Variants in SRC observed in about 807,000 individuals in gnomAD.
The protein encoded by SRC is SRC proto-oncogene, non-receptor tyrosine kinase.
Under a neutral mutation model 62.9 loss-of-function variants are expected in SRC, and 13 were observed. That is an observed-to-expected ratio of 0.21 (90% CI 0.13 to 0.33). The LOEUF (loss-of-function observed/expected upper bound fraction) is 0.33. SRC is among the 10% of genes least tolerant of loss of function. The probability of loss-of-function intolerance (pLI) is 1.00; values close to 1 mark genes in which losing one functional copy is unlikely to be tolerated. For synonymous variants in SRC, 302 were observed against 317.5 expected (o/e 0.95, Z 0.52); for missense variants, 457 against 737.3 (o/e 0.62, Z 4.40).
In SRC at chr20:37,396,914, T is replaced by A. The variant is rs935667096; in HGVS notation, c.703+603T>A. 6.5e-6 allele frequency: 1 copy of A among 153,760 alleles called. No homozygotes were observed. The highest frequency in any genetic ancestry group is 2.4e-5 in the African/African-American group (1 of 41,284). The allele number at this position is 153,760 out of a possible 1,614,324, so 9.5% of individuals were successfully genotyped here. On this transcript the variant is annotated intron_variant, in intron 8 of 13. Transcript: ENST00000373578. The surrounding 1 kb of genome is among the most constrained non-coding windows in gnomAD (Gnocchi z 6.1). ...CCTCTGTGCACAGGTGTTGGTCCAC[T>A]CCCCACCCCGAGCCTCCTCCTCCTC...
chr20:37,368,518 C>CTTTTTTTTTTTTTTGTTTT (rs2070102489), intron 2 of SRC, among the ~76,000 whole-genome samples: 1 of 73,898 alleles, frequency 1.4e-5, no homozygotes, highest in Non-Finnish European at 2.7e-5. Context: ...CCTATATTTT[C>CTTTTTTTTTTTTTTGTTTT]TTTTTTTTTT....
Position 37,402,323 on chromosome 20 carries a change from A to AGTG in SRC, c.1117-112_1117-111insGTG, listed in dbSNP as rs1201631996. The AGTG allele has an allele frequency of 2.0e-5, 27 of 1,336,722 alleles. No individual in the cohort carries two copies. The highest frequency in any genetic ancestry group is 2.8e-5 in the Non-Finnish European group (27 of 971,240). The allele number at this position is 1,336,722 out of a possible 1,614,324, so 82.8% of individuals were successfully genotyped here. A position where few individuals can be genotyped will look rare whatever the true frequency, so the allele number is the denominator to read the frequency against. ...GTGAACTGACCTCACTTGCCTGAAG[A>AGTG]AGTGTGGGGAGGGTGGGGAAGGGGT... On this transcript the variant is annotated intron_variant, in intron 11 of 13. Transcript: ENST00000373578. The surrounding 1 kb of genome is among the most constrained non-coding windows in gnomAD (Gnocchi z 6.2).
intron 5 of SRC, among the ~76,000 whole-genome samples, chr20:37,387,196 A>T (rs751134952): frequency 9.2e-5 from 14 of 152,200 alleles, no homozygotes; most frequent in Non-Finnish European, 4.4e-5. Flanking sequence ...CTCATGCCCC[A>T]CTTGCCTTGC....
In SRC at chr20:37,403,233, G is replaced by C. The variant is rs758015155; in HGVS notation, c.1465G>C (p.Glu489Gln). ...GGGCTACCGGATGCCCTGCCCGCCG[G>C]AGTGTCCCGAGTCCCTGCACGACCT... ...ERGYRMPCPP[E>Q]CPESLHDLMC... Residue 489 changes from glutamate to glutamine, a missense_variant, in exon 14 of 14, where the codon GAG (glutamate) becomes CAG (glutamine). Physicochemically the swap from Glu to Gln is conservative, Grantham distance 29. Coordinates refer to ENST00000373578, the MANE Select transcript of SRC (RefSeq NM_198291.3). This position sits in a 1 kb window ranked among gnomAD's most constrained non-coding sequence, Gnocchi z 7.1. 1.3e-6 allele frequency: 2 copies of C among 1,581,212 alleles called. No homozygotes were observed. The highest frequency in any genetic ancestry group is 4.6e-5 in the East Asian group (2 of 43,332).
In SRC at chr20:37,398,592, G is replaced by A. The variant is rs2070694356; in HGVS notation, c.859+738G>A. Among the ~76,000 whole-genome samples, 1 of 152,256 alleles carries A rather than the reference G, an allele frequency of 6.6e-6. No homozygotes were observed. On this transcript the variant is annotated intron_variant, in intron 9 of 13. Coordinates refer to ENST00000373578, the MANE Select transcript of SRC (RefSeq NM_198291.3). The surrounding 1 kb of genome is among the most constrained non-coding windows in gnomAD (Gnocchi z 5.2). The stretch of plus-strand genomic sequence containing the variant: ...ATGGAGGAGAGCAGAGCGGCCTCCT[G>A]GGTGGAAGGCACTGCAGGGACAGAG...
intron 1 of SRC, among the ~76,000 whole-genome samples, chr20:37,358,069 C>T (rs1487661961): frequency 2.0e-5 from 3 of 152,144 alleles, no homozygotes; most frequent in Non-Finnish European, 4.4e-5. Flanking sequence ...ACGAAGGGTT[C>T]AAACTGACAT....
rs2070416577 is a variant in SRC, at chr20:37,384,483, C to A, written c.250+80C>A. On this transcript the variant is annotated intron_variant, in intron 4 of 13. Coordinates refer to ENST00000373578, the MANE Select transcript of SRC (RefSeq NM_198291.3). This position sits in a 1 kb window ranked among gnomAD's most constrained non-coding sequence, Gnocchi z 6.7. ...CGGCGGGGCTGTGTGCCCGGGGTCGCCCCCTCTGCGCAGGCCCTTCCTCTC... is the reference window on the plus strand; with the variant it reads ...CGGCGGGGCTGTGTGCCCGGGGTCGACCCCTCTGCGCAGGCCCTTCCTCTC... 27 of 1,273,436 alleles carry A rather than the reference C, an allele frequency of 2.1e-5. No homozygotes were observed. Among genetic ancestry groups the A allele is most frequent in the Non-Finnish European group, 2.7e-5 (27 of 1,014,950 alleles). 78.9% of individuals were successfully genotyped at this position (1,273,436 alleles called of 1,614,324 possible).
intron 2 of SRC, among the ~76,000 whole-genome samples, chr20:37,379,895 CAA>C (rs774306236): frequency 2.4e-5 from 1 of 41,056 alleles, no homozygotes; most frequent in East Asian, 9.1e-4. Context: ...GACTCCATTT[CAA>C]AAAAAAAAAA....
chr20:37,372,624 T>C (rs781613650), intron 2 of SRC, among the ~76,000 whole-genome samples: 2 of 152,226 alleles, frequency 1.3e-5, no homozygotes, highest in African/African-American at 4.8e-5. Context: ...GAATGTTCCA[T>C]GTGCACTTGA....
Position 37,384,498 on chromosome 20 carries a change from C to T in SRC, c.250+95C>T. On this transcript the variant is annotated intron_variant, in intron 4 of 13. Transcript: ENST00000373578. The surrounding 1 kb of genome is among the most constrained non-coding windows in gnomAD (Gnocchi z 6.7). ...CCCGGGGTCGCCCCCTCTGCGCAGG[C>T]CCTTCCTCTCGCCAGGGGTAGCGCC... The T allele has an allele frequency of 8.1e-7, 1 of 1,238,298 alleles. No homozygotes were observed. The highest frequency in any genetic ancestry group is 1.0e-6 in the Non-Finnish European group (1 of 990,186). The allele number at this position is 1,238,298 out of a possible 1,614,324, so 76.7% of individuals were successfully genotyped here.
Position 37,365,232 on chromosome 20 carries a change from A to G in SRC, c.-218A>G, listed in dbSNP as rs1286250095. On this transcript the variant is annotated 5_prime_UTR_variant, in exon 2 of 14. Coordinates refer to ENST00000373578, the MANE Select transcript of SRC (RefSeq NM_198291.3). ...AGAGAACAGAAGCTCAGAGAAGTGAAGCAACTTGCCCAGCTATGAGAGACA... is the reference window on the plus strand; with the variant it reads ...AGAGAACAGAAGCTCAGAGAAGTGAGGCAACTTGCCCAGCTATGAGAGACA... 1 of 152,096 alleles carries G rather than the reference A, an allele frequency of 6.6e-6. No homozygotes were observed. Among genetic ancestry groups the G allele is most frequent in the East Asian group, 1.9e-4 (1 of 5,192 alleles). 9.4% of individuals were successfully genotyped at this position (152,096 alleles called of 1,614,324 possible).
At chr20:37,382,260 G>A (rs1219049172) in intron 2 of SRC, among the ~76,000 whole-genome samples, 2 of 152,200 alleles carry the variant, frequency 1.3e-5, no homozygotes, top group African/African-American at 4.8e-5. Context: ...ACAGTGTCTT[G>A]TGCATTTATC....
intron 7 of SRC, 25 bp downstream of exon 7, chr20:37,394,302 G>A (rs1403884387): frequency 1.9e-6 from 3 of 1,594,704 alleles, no homozygotes; most frequent in Non-Finnish European, 2.6e-6. Context: ...GCTGGCCAAC[G>A]GATACTGAGT....
At chr20:37,391,997 G>A (rs1485560611) in intron 5 of SRC, among the ~76,000 whole-genome samples, 2 of 152,190 alleles carry the variant, frequency 1.3e-5, no homozygotes, top group Non-Finnish European at 2.9e-5. Flanking sequence ...GTGGCCTTGG[G>A]GGTCAGTGGG....
chr20:37,367,711 A>G (rs1047635104), intron 2 of SRC, among the ~76,000 whole-genome samples: 1 of 151,404 alleles, frequency 6.6e-6, no homozygotes, highest in African/African-American at 2.4e-5. Context: ...CAATGCTGTG[A>G]TCATAGCTGA....
rs1175595473 is a variant in SRC, at chr20:37,402,997, C to G, written c.1402+117C>G. The G allele has an allele frequency of 7.1e-7, 1 of 1,416,874 alleles. No individual in the cohort carries two copies. Among genetic ancestry groups the G allele is most frequent in the Non-Finnish European group, 9.4e-7 (1 of 1,059,902 alleles). 87.8% of individuals were successfully genotyped at this position (1,416,874 alleles called of 1,614,324 possible). ...CCACCCGTAAAACAAAGAAGTTGAG[C>G]GTCTGATGTTAGGCTCTCTCGATGG... On this transcript the variant is annotated intron_variant, in intron 13 of 13. Transcript: ENST00000373578. The surrounding 1 kb of genome is among the most constrained non-coding windows in gnomAD (Gnocchi z 6.2).
At chr20:37,390,641 G>A (rs1166278002) in intron 5 of SRC, among the ~76,000 whole-genome samples, 1 of 152,134 alleles carries the variant, frequency 6.6e-6, no homozygotes, top group Non-Finnish European at 1.5e-5. Context: ...CTGACCTCAA[G>A]AGATCCATCC....
chr20:37,361,645 C>A (rs2069971632), intron 1 of SRC, among the ~76,000 whole-genome samples: 1 of 152,206 alleles, frequency 6.6e-6, no homozygotes, highest in Admixed American at 6.5e-5. Context: ...GCACATCAGC[C>A]ATCACCCATC....
chr20:37,364,679 C>T (rs1245873926), intron 1 of SRC, among the ~76,000 whole-genome samples: 5 of 152,156 alleles, frequency 3.3e-5, no homozygotes, highest in African/African-American at 2.4e-5. Flanking sequence ...CCTGGCCCCT[C>T]GTTATCCTTG....
Sources: allele counts gnomAD v4.1 joint callset (sites outside exome capture counted in the v4.1 genomes callset), GRCh38; gene constraint gnomAD v4.1.1; non-coding constraint Gnocchi (gnomAD v3.1); transcripts MANE v1.5; gene names NCBI Gene and HGNC (gene_info 2026-07-23, HGNC 2026-07-21).